The following BCL9L variants were observed in gnomAD, a reference collection of about 807,000 sequenced individuals.
BCL9L encodes the protein B-cell CLL/lymphoma 9-like protein.
In BCL9L, 19 loss-of-function variants were observed where a neutral mutation model predicts 99.4. That is an observed-to-expected ratio of 0.19 (90% CI 0.13 to 0.28). BCL9L has a LOEUF of 0.28. BCL9L is among the 10% of genes least tolerant of loss of function. The pLI is 1.00. For synonymous variants in BCL9L, 900 were observed against 854.8 expected (o/e 1.05, Z -0.92); for missense variants, 2,023 against 2,101.6 (o/e 0.96, Z 0.73).
rs1940086695 is a variant in BCL9L, at chr11:118,899,225, AG to A, written c.3689del (p.Pro1230LeufsTer51). On this transcript the variant is annotated frameshift_variant, in exon 10 of 10. Coordinates refer to ENST00000683865, the MANE Select transcript of BCL9L (RefSeq NM_001378213.1). LOFTEE classifies it high-confidence loss of function. ...TGGCACCATGGGGCTGCTGCAGCCG[AG>A]GGGGGAAGGGCATCATCTGGGAGGA... ...PSSSQMMPFP[P>X]RLQQPHGAMA... The A allele has an allele frequency of 2.0e-6, 3 of 1,508,260 alleles. No homozygotes were observed. The highest frequency in any genetic ancestry group is 2.3e-5 in the Admixed American group (1 of 43,758). 93.4% of individuals were successfully genotyped at this position (1,508,260 alleles called of 1,614,324 possible). A position where few individuals can be genotyped will look rare whatever the true frequency, so the allele number is the denominator to read the frequency against.
In BCL9L at chr11:118,897,187, C is replaced by G. The variant is rs1437231094; in HGVS notation, c.*1228G>C. ...ACTGACTCAGATGAACTGTTCTCCC[C>G]CTTCTTTGATAAGAAGTAGGTGGCA... is the stretch of plus-strand genomic sequence containing the variant. On this transcript the variant is annotated 3_prime_UTR_variant, in exon 10 of 10. Transcript: ENST00000683865. 1.3e-5 allele frequency: 2 copies of G among 154,956 alleles called. No homozygotes were observed. The highest frequency in any genetic ancestry group is 1.3e-4 in the Admixed American group (2 of 15,720). The allele number at this position is 154,956 out of a possible 1,614,324, so 9.6% of individuals were successfully genotyped here. A position where few individuals can be genotyped will look rare whatever the true frequency, so the allele number is the denominator to read the frequency against.
At position 118,901,076 on chromosome 11, in the gene BCL9L, G is replaced by A; in HGVS notation, c.2667C>T (p.His889=). Residue 889 remains histidine (H), a synonymous_variant, in exon 8 of 10, where the codon CAC becomes CAT. Transcript: ENST00000683865. The surrounding 1 kb of genome is among the most constrained non-coding windows in gnomAD (Gnocchi z 6.6). The part of the protein sequence containing the change: ...MSNVGTTRLS[H]MPLPPASNPP... ...GATTGGACGCAGGGGGCAGAGGCATGTGGCTGAGCCGGGTGGTGCCCACGT... is the reference window on the plus strand; with the variant it reads ...GATTGGACGCAGGGGGCAGAGGCATATGGCTGAGCCGGGTGGTGCCCACGT... 2 of 1,605,546 alleles carry A rather than the reference G, an allele frequency of 1.2e-6. No homozygotes were observed. The highest frequency in any genetic ancestry group is 1.7e-6 in the Non-Finnish European group (2 of 1,175,144).
At chr11:118,899,778 G>A in intron 9 of BCL9L, 139 bp downstream of exon 9, 1 of 1,275,956 alleles carries the variant, frequency 7.8e-7, no homozygotes. Flanking sequence ...TCCAGCGAGT[G>A]GGAACAGCAT....
Position 118,908,488 on chromosome 11 carries a change from C to T in BCL9L, c.194G>A (p.Gly65Glu), listed in dbSNP as rs1224649642. 1 of 1,614,006 alleles carries T rather than the reference C, an allele frequency of 6.2e-7. No homozygotes were observed. Among genetic ancestry groups the T allele is most frequent in the Non-Finnish European group, 8.5e-7 (1 of 1,180,002 alleles). Residue 65 changes from glycine (G) to glutamate (E), a missense_variant, in exon 4 of 10, where the codon GGA becomes GAA. Around this residue, in one of 3 missense-constraint regions of BCL9L, gnomAD observed 1,116 missense variants for 1,194.6 expected, o/e 0.93. Coordinates refer to ENST00000683865, the MANE Select transcript of BCL9L (RefSeq NM_001378213.1). Reference sequence around the variant, plus strand: ...CTTCGAGCCCACGTTGCAGGTGGGTCCTTGGTTCACATTCTGGTGCTGAGA... The same window carrying T: ...CTTCGAGCCCACGTTGCAGGTGGGTTCTTGGTTCACATTCTGGTGCTGAGA... ...AQSQHQNVNQGPTCNVGSKGV... is the reference protein window; with the variant it reads ...AQSQHQNVNQEPTCNVGSKGV...
intron 9 of BCL9L, among the ~76,000 whole-genome samples, chr11:118,899,713 C>A (rs918048504): frequency 1.3e-5 from 2 of 152,164 alleles, no homozygotes; most frequent in Admixed American, 6.5e-5. Context: ...GCCAGACACA[C>A]CACCAGGTGT....
At chr11:118,910,052 T>G in intron 2 of BCL9L, 37 bp from the exon 3 acceptor site, 6 of 1,397,620 alleles carry the variant, frequency 4.3e-6, no homozygotes, top group East Asian at 5.1e-5. Flanking sequence ...ACTCGTGACT[T>G]GGGGAGGGGG....
chr11:118,912,764 C>T (rs903900942), intron 2 of BCL9L, among the ~76,000 whole-genome samples: 3 of 152,188 alleles, frequency 2.0e-5, no homozygotes, highest in African/African-American at 7.2e-5. Context: ...CTCAAAACCA[C>T]CCCAAAGAGG....
chr11:118,908,492 G>C lies in BCL9L; in HGVS notation c.190C>G (p.Gln64Glu). ...GAGCCCACGTTGCAGGTGGGTCCTT[G>C]GTTCACATTCTGGTGCTGAGATTGG... Reference protein sequence around the residue: ...GAQSQHQNVNQGPTCNVGSKG... With the variant: ...GAQSQHQNVNEGPTCNVGSKG... The change falls in exon 4 of 10, where the codon CAA becomes GAA. Residue 64 changes from glutamine to glutamate, a missense_variant. Gln to Glu is a conservative substitution (Grantham distance 29, BLOSUM62 2). Around this residue, in one of 3 missense-constraint regions of BCL9L, gnomAD observed 1,116 missense variants for 1,194.6 expected, o/e 0.93. Transcript: ENST00000683865. 6.2e-7 allele frequency: 1 copy of C among 1,614,150 alleles called. No homozygotes were observed. The highest frequency in any genetic ancestry group is 8.5e-7 in the Non-Finnish European group (1 of 1,179,996).
At chr11:118,915,278 T>C (rs1936187314) in intron 2 of BCL9L, among the ~76,000 whole-genome samples, 1 of 152,136 alleles carries the variant, frequency 6.6e-6, no homozygotes, top group Non-Finnish European at 1.5e-5. Flanking sequence ...GAGGTAACAG[T>C]AGTGAAACTA....
At chr11:118,909,077 C>A (rs117969063) in intron 3 of BCL9L, among the ~76,000 whole-genome samples, 201 of 152,320 alleles carry the variant, frequency 1.3e-3, no homozygotes, top group Middle Eastern at 3.4e-3. Flanking sequence ...CCCATATGTC[C>A]CAACACCAGC....
intron 2 of BCL9L, among the ~76,000 whole-genome samples, chr11:118,913,319 T>C (rs1428250418): frequency 6.6e-6 from 1 of 152,050 alleles, no homozygotes; most frequent in South Asian, 2.1e-4. Flanking sequence ...CAGACCTTTC[T>C]AGTCTGGGAT....
chr11:118,901,601 C>T lies in BCL9L; in HGVS notation c.2142G>A (p.Ala714=), dbSNP rs770474642. 61 of 1,613,930 alleles carry T rather than the reference C, an allele frequency of 3.8e-5. No homozygotes were observed. The highest frequency in any genetic ancestry group is 4.7e-5 in the Non-Finnish European group (56 of 1,180,034). The stretch of plus-strand genomic sequence containing the variant: ...ACATGGCAGGATCCATCTGTCGGTG[C>T]GCCTGCATCATCCGCTCCATCTCCA... ...QSMEMERMMQ[A]HRQMDPAMFP... The change falls in exon 8 of 10, where the codon GCG becomes GCA. Residue 714 remains alanine (A), a synonymous_variant. Coordinates refer to ENST00000683865, the MANE Select transcript of BCL9L (RefSeq NM_001378213.1). This position sits in a 1 kb window ranked among gnomAD's most constrained non-coding sequence, Gnocchi z 6.6.
chr11:118,922,612 C>T lies in BCL9L; in HGVS notation c.-131+2626G>A, dbSNP rs1941172268. ...AGGGAGAGCGGGCCTGGCAGAGGCT[C>T]CCTGCCCGCGGCACCCAGCCTGTAC... On this transcript the variant is annotated intron_variant, in intron 1 of 9. Transcript: ENST00000683865. The surrounding 1 kb of genome is among the most constrained non-coding windows in gnomAD (Gnocchi z 6.2). Among the ~76,000 whole-genome samples the T allele has an allele frequency of 1.3e-5, 2 of 152,046 alleles. No homozygotes were observed. Among genetic ancestry groups the T allele is most frequent in the African/African-American group, 4.8e-5 (2 of 41,402 alleles).
At position 118,922,246 on chromosome 11, in the gene BCL9L, C is replaced by T. The variant is rs1296604955; in HGVS notation, c.-131+2992G>A. Among the ~76,000 whole-genome samples, 1 of 152,208 alleles carries T rather than the reference C, an allele frequency of 6.6e-6. No individual in the cohort carries two copies. The highest frequency in any genetic ancestry group is 6.5e-5 in the Admixed American group (1 of 15,290). On this transcript the variant is annotated intron_variant, in intron 1 of 9. Transcript: ENST00000683865. This position sits in a 1 kb window ranked among gnomAD's most constrained non-coding sequence, Gnocchi z 6.2. The stretch of plus-strand genomic sequence containing the variant: ...GGAAATTCCAGGCTGTAAGTCCAGG[C>T]AGCCTTCAGGGCCGCCGAGCCAAGT...
rs780805734 is a variant in BCL9L at position 118,898,636 on chromosome 11, G to T, written c.4279C>A (p.Leu1427Ile). ...HQGVMSPPQG[L>I]MTQQNFMLMK... is the part of the protein sequence containing the mutation. ...AGCATGAAATTCTGCTGGGTCATGA[G>T]GCCTTGTGGAGGGGACATGACCCCC... The change falls in exon 10 of 10, where the codon CTC (leucine) becomes ATC (isoleucine). Residue 1427 changes from leucine to isoleucine, a missense_variant. By Grantham distance (5) the Leu-to-Ile change is conservative. Coordinates refer to ENST00000683865, the MANE Select transcript of BCL9L (RefSeq NM_001378213.1). 14 of 1,612,394 alleles carry T rather than the reference G, an allele frequency of 8.7e-6. No homozygotes were observed. The East Asian group carries it at 2.9e-4, about 33-fold the overall frequency.
intron 2 of BCL9L, among the ~76,000 whole-genome samples, chr11:118,913,829 G>A (rs1048599771): frequency 7.2e-5 from 11 of 152,174 alleles, no homozygotes; most frequent in African/African-American, 2.4e-4. Flanking sequence ...ACCTGGGGAG[G>A]GTAGAGGGAG....
At position 118,900,317 on chromosome 11, in the gene BCL9L, C is replaced by T; in HGVS notation, c.3125-119G>A. The T allele has an allele frequency of 1.6e-6, 2 of 1,231,340 alleles. No homozygotes were observed. The highest frequency in any genetic ancestry group is 1.6e-5 in the South Asian group (1 of 63,882). 76.3% of individuals were successfully genotyped at this position (1,231,340 alleles called of 1,614,324 possible). On this transcript the variant is annotated intron_variant, in intron 8 of 9. Coordinates refer to ENST00000683865, the MANE Select transcript of BCL9L (RefSeq NM_001378213.1). The surrounding 1 kb of genome is among the most constrained non-coding windows in gnomAD (Gnocchi z 5.3). ...TCCCCAAATCACCTGGTCCTTCAGA[C>T]ACACCCACAGGCCCCCACTATCTCC... is the stretch of plus-strand genomic sequence containing the variant.
At chr11:118,923,938 G>C (rs1292505691) in intron 1 of BCL9L, among the ~76,000 whole-genome samples, 2 of 152,206 alleles carry the variant, frequency 1.3e-5, no homozygotes, top group Admixed American at 1.3e-4. Context: ...GCTGACACCA[G>C]GAAGACAGGG....
intron 2 of BCL9L, among the ~76,000 whole-genome samples, chr11:118,913,852 G>A (rs1004750155): frequency 3.3e-5 from 5 of 152,306 alleles, no homozygotes; most frequent in Non-Finnish European, 5.9e-5. Context: ...AGGCTGGCAG[G>A]GATGGTGCTG....
Sources: gnomAD v4.1 joint callset for allele counts (sites outside exome capture counted in the v4.1 genomes callset) on GRCh38, gnomAD v4.1.1 for gene constraint, gnomAD v4.1.1 regional missense constraint, Gnocchi (gnomAD v3.1) non-coding constraint, MANE v1.5 for transcripts, NCBI Gene and HGNC (gene_info 2026-07-23, HGNC 2026-07-21) for gene names.